The following CLPB variants were observed in gnomAD, a reference collection of about 807,000 sequenced individuals.
The protein encoded by CLPB is ClpB family mitochondrial disaggregase.
Under a neutral mutation model 78.4 loss-of-function variants are expected in CLPB, and 40 were observed. The observed-to-expected ratio is 0.51, with a 90% CI of 0.40 to 0.66. The LOEUF is 0.66. Among genes scored for constraint, CLPB ranks in the 30% least tolerant of loss-of-function variants. CLPB has a pLI of 0.00. For missense variants in CLPB, 780 were observed against 886.9 expected (o/e 0.88, Z 1.53); for synonymous variants, 333 against 348.0 (o/e 0.96, Z 0.48).
chr11:72,337,569 T>C (rs2135564245), intron 5 of CLPB, among the ~76,000 whole-genome samples: 1 of 152,282 alleles, frequency 6.6e-6, no homozygotes, highest in South Asian at 2.1e-4. Flanking sequence ...ACTAAAATAA[T>C]TTACCCATGG....
chr11:72,427,458 G>A (rs1169621430), intron 2 of CLPB, among the ~76,000 whole-genome samples: 11 of 152,206 alleles, frequency 7.2e-5, no homozygotes, highest in African/African-American at 2.7e-4. Flanking sequence ...TGATGTGTTT[G>A]TTAACGATAG....
At chr11:72,309,306 C>T (rs1029209007) in intron 7 of CLPB, among the ~76,000 whole-genome samples, 1 of 152,112 alleles carries the variant, frequency 6.6e-6, no homozygotes, top group East Asian at 1.9e-4. Context: ...TAGAGCAAGA[C>T]CTGACCTCCT....
chr11:72,424,259 C>T (rs776112442), intron 2 of CLPB, among the ~76,000 whole-genome samples: 13 of 152,316 alleles, frequency 8.5e-5, no homozygotes, highest in South Asian at 4.1e-4. Context: ...TGAGTATAGG[C>T]GCTCAGCCAT....
chr11:72,297,250 G>A (rs1267893306), intron 11 of CLPB, among the ~76,000 whole-genome samples: 1 of 152,240 alleles, frequency 6.6e-6, no homozygotes, highest in African/African-American at 2.4e-5. Flanking sequence ...GCTGGGCCCT[G>A]CCCGAGCTTC....
At position 72,286,223 on chromosome 11, in the gene CLPB, G is replaced by GTTTTTTTTTTTTTGTTTTTTTTTTT. The variant is rs1949387065; in HGVS notation, c.*7143_*7144insAAAAAAAAAAACAAAAAAAAAAAAA. On this transcript the variant is annotated 3_prime_UTR_variant, in exon 16 of 16. Transcript: ENST00000538039. ...ATTACAGGTGTGAGATACTGCACCT[G>GTTTTTTTTTTTTTGTTTTTTTTTTT]TTTTTTTTTTTTTTTTTTTTTTTAA... 3.3e-5 allele frequency: 2 copies of GTTTTTTTTTTTTTGTTTTTTTTTTT among 60,462 alleles called. No individual in the cohort carries two copies. Among genetic ancestry groups the GTTTTTTTTTTTTTGTTTTTTTTTTT allele is most frequent in the African/African-American group, 1.4e-4 (2 of 14,484 alleles). The allele number at this position is 60,462 out of a possible 1,614,324, so 3.7% of individuals were successfully genotyped here.
At chr11:72,401,497 G>A (rs948959768) in intron 3 of CLPB, among the ~76,000 whole-genome samples, 4 of 152,088 alleles carry the variant, frequency 2.6e-5, no homozygotes, top group African/African-American at 9.7e-5. Flanking sequence ...GGTGCTTGGA[G>A]CTAAAGAGAG....
chr11:72,295,378 CAG>C, intron 12 of CLPB, 112 bp downstream of exon 12: 1 of 1,120,020 alleles, frequency 8.9e-7, no homozygotes, highest in African/African-American at 1.6e-5. Context: ...CAGCTAGGGA[CAG>C]AGCTGCCCAC....
At chr11:72,336,378 T>C (rs1950322421) in intron 5 of CLPB, among the ~76,000 whole-genome samples, 1 of 152,158 alleles carries the variant, frequency 6.6e-6, no homozygotes, top group African/African-American at 2.4e-5. Flanking sequence ...ACAGTTCCCA[T>C]GACTCAGCCC....
chr11:72,363,779 T>C (rs1486467464), intron 4 of CLPB, among the ~76,000 whole-genome samples: 2 of 152,198 alleles, frequency 1.3e-5, no homozygotes, highest in African/African-American at 4.8e-5. Flanking sequence ...GCCTCTGCTC[T>C]ATCTTCTGTA....
chr11:72,352,898 G>A (rs2135593933), intron 5 of CLPB: 1 of 152,356 alleles, frequency 6.6e-6, no homozygotes, highest in East Asian at 1.9e-4. Context: ...GAGAGGATAT[G>A]CCTAAAGGTG....
intron 2 of CLPB, among the ~76,000 whole-genome samples, chr11:72,426,664 T>C (rs1856386421): frequency 6.6e-6 from 1 of 152,060 alleles, no homozygotes; most frequent in South Asian, 2.1e-4. Flanking sequence ...GAAAAGTCAA[T>C]AAAAAGCAAA....
chr11:72,347,326 G>A (rs1016720622), intron 5 of CLPB, among the ~76,000 whole-genome samples: 1 of 152,142 alleles, frequency 6.6e-6, no homozygotes, highest in African/African-American at 2.4e-5. Context: ...AGCTAGGCAA[G>A]GTGGCTCATA....
chr11:72,322,955 G>C (rs1431924379), intron 6 of CLPB, among the ~76,000 whole-genome samples: 1 of 152,122 alleles, frequency 6.6e-6, no homozygotes, highest in Non-Finnish European at 1.5e-5. Context: ...TTCAAGCAAG[G>C]TTCTACTGGC....
intron 14 of CLPB, 42 bp from the exon 15 acceptor site, chr11:72,294,168 T>G (rs1482533905): frequency 1.2e-6 from 2 of 1,608,362 alleles, no homozygotes; most frequent in African/African-American, 2.7e-5. Context: ...TGTGGCCCAC[T>G]GCTTTCCATC....
intron 5 of CLPB, among the ~76,000 whole-genome samples, chr11:72,331,067 TAAAA>T: frequency 6.6e-6 from 1 of 152,132 alleles, no homozygotes; most frequent in Non-Finnish European, 1.5e-5. Context: ...ATTTTTTTAT[TAAAA>T]TTTTAATTAA....
intron 11 of CLPB, among the ~76,000 whole-genome samples, chr11:72,297,698 TGTGTGA>T (rs1565421308): frequency 8.4e-6 from 1 of 119,710 alleles, no homozygotes; most frequent in African/African-American, 3.7e-5. Context: ...TGTGTGTGTG[TGTGTGA>T]CATGTCCAAG....
At chr11:72,336,012 G>A (rs998702266) in intron 5 of CLPB, among the ~76,000 whole-genome samples, 3 of 152,072 alleles carry the variant, frequency 2.0e-5, no homozygotes, top group African/African-American at 4.8e-5. Context: ...CTGTAGGTGC[G>A]AAGTGGGGAA....
intron 2 of CLPB, chr11:72,429,245 A>G (rs535467955): frequency 1.4e-4 from 21 of 152,370 alleles, no homozygotes; most frequent in African/African-American, 5.1e-4. Context: ...ATTTGGCTAC[A>G]AAACAACTCC....
intron 3 of CLPB, among the ~76,000 whole-genome samples, chr11:72,397,815 C>A (rs1855452787): frequency 6.6e-6 from 1 of 152,126 alleles, no homozygotes; most frequent in South Asian, 2.1e-4. Context: ...CTAAGTCTTA[C>A]AATTTTTCTT....
Sources: gnomAD v4.1 joint callset for allele counts (sites outside exome capture counted in the v4.1 genomes callset) on GRCh38, gnomAD v4.1.1 for gene constraint, MANE v1.5 for transcripts, NCBI Gene and HGNC (gene_info 2026-07-23, HGNC 2026-07-21) for gene names.